ACTN4: variants seen among roughly 807,000 people sequenced by gnomAD.
ACTN4 encodes alpha-actinin-4.
Under a neutral mutation model 114.2 loss-of-function variants are expected in ACTN4, and 18 were observed. The observed-to-expected ratio is 0.16, with a 90% confidence interval of 0.11 to 0.23. The LOEUF is 0.23. Ranked by LOEUF, ACTN4 falls within the 10% of genes least tolerant of loss-of-function variation. ACTN4 has a pLI of 1.00. For synonymous variants in ACTN4, 515 were observed against 506.3 expected (o/e 1.02, Z -0.23); for missense variants, 722 against 1,262.9 (o/e 0.57, Z 6.49).
At position 38,701,069 on chromosome 19, in the gene ACTN4, G is replaced by T. The variant is rs561245944; in HGVS notation, c.345G>T (p.Ala115=). The T allele has an allele frequency of 9.3e-6, 15 of 1,614,086 alleles. No individual in the cohort carries two copies. The East Asian group carries it at 1.3e-4, about 14-fold the overall frequency. ...RVHKINNVNK[A]LDFIASKGVK... is the part of the protein sequence containing the mutation. Reference sequence around the variant, plus strand: ...ACAAAATCAACAATGTGAACAAAGCGCTGGACTTTATTGCCAGCAAAGGCG... The same window carrying T: ...ACAAAATCAACAATGTGAACAAAGCTCTGGACTTTATTGCCAGCAAAGGCG... The change falls in exon 3 of 21, where the codon GCG becomes GCT. Residue 115 remains alanine, a synonymous_variant. Transcript: ENST00000252699.
intron 19 of ACTN4, chr19:38,728,266 TGCCTACTCTGGGCCCG>T: frequency 2.6e-6 from 4 of 1,532,798 alleles, no homozygotes; most frequent in Non-Finnish European, 3.5e-6. Context: ...CGGCCCCTCT[TGCCTACTCTGGGCCCG>T]GCCTCCTCTG....
chr19:38,647,656 C>T lies in ACTN4; in HGVS notation c.-90C>T, dbSNP rs1222199288. The T allele has an allele frequency of 2.5e-5, 36 of 1,463,566 alleles. No homozygotes were observed. In the Admixed American group the frequency reaches 3.1e-4, roughly 13 times the overall value. The allele number at this position is 1,463,566 out of a possible 1,614,324, so 90.7% of individuals were successfully genotyped here. A position where few individuals can be genotyped will look rare whatever the true frequency, so the allele number is the denominator to read the frequency against. The stretch of plus-strand genomic sequence containing the variant: ...GCGGGCGGAGGGCGGGCTGAAGCAG[C>T]TGAAGCGGCGGTAGCGGCGGCGGCT... On this transcript the variant is annotated 5_prime_UTR_variant, in exon 1 of 21. Coordinates refer to ENST00000252699, the MANE Select transcript of ACTN4 (RefSeq NM_004924.6).
At chr19:38,691,561 C>T (rs755314265) in intron 1 of ACTN4, among the ~76,000 whole-genome samples, 7 of 151,946 alleles carry the variant, frequency 4.6e-5, no homozygotes, top group Non-Finnish European at 8.8e-5. Flanking sequence ...AAGAGCTAGA[C>T]GAAAGTCTTA....
At chr19:38,661,301 C>G (rs567767956) in intron 1 of ACTN4, among the ~76,000 whole-genome samples, 2 of 152,328 alleles carry the variant, frequency 1.3e-5, no homozygotes, top group South Asian at 4.1e-4. Context: ...CCCAAGACGG[C>G]AGAACATGAA....
intron 1 of ACTN4, among the ~76,000 whole-genome samples, chr19:38,680,383 T>G (rs1967526734): frequency 6.6e-6 from 1 of 151,938 alleles, no homozygotes; most frequent in Non-Finnish European, 1.5e-5. Context: ...GTTTCACCAT[T>G]TGGCCAGGCT....
intron 1 of ACTN4, among the ~76,000 whole-genome samples, chr19:38,662,308 C>G (rs562528043): frequency 3.0e-4 from 46 of 152,200 alleles, no homozygotes; most frequent in Non-Finnish European, 6.0e-4. Context: ...ACACACAGCA[C>G]CCAGCAAGAA....
chr19:38,673,666 ATATATATT>A (rs1420785144), intron 1 of ACTN4, among the ~76,000 whole-genome samples: 2,806 of 28,358 alleles, frequency 0.099, 379 homozygotes, highest in African/African-American at 0.24. Flanking sequence ...TATATATATT[ATATATATT>A]TATATATTTA....
At position 38,717,645 on chromosome 19, in the gene ACTN4, G is replaced by A. The variant is rs761683206; in HGVS notation, c.1144-282G>A. Among the ~76,000 whole-genome samples, 10 of 152,184 alleles carry A rather than the reference G, an allele frequency of 6.6e-5. No homozygotes were observed. The highest frequency in any genetic ancestry group is 1.0e-4 in the Non-Finnish European group (7 of 68,030). On this transcript the variant is annotated intron_variant, in intron 10 of 20. Coordinates refer to ENST00000252699, the MANE Select transcript of ACTN4 (RefSeq NM_004924.6). The surrounding 1 kb of genome is among the most constrained non-coding windows in gnomAD (Gnocchi z 4.0). Reference sequence around the variant, plus strand: ...CATGTGCTTGAGGCCCTTCATCAGCGGAGGGGCAGTGCGCCCTGGACGGTA... The same window carrying A: ...CATGTGCTTGAGGCCCTTCATCAGCAGAGGGGCAGTGCGCCCTGGACGGTA...
intron 1 of ACTN4, among the ~76,000 whole-genome samples, chr19:38,652,803 T>C (rs111552567): frequency 1.3e-5 from 2 of 152,014 alleles, no homozygotes; most frequent in Non-Finnish European, 2.9e-5. Flanking sequence ...TGTGGTCTTA[T>C]GGCCGGGCGC....
rs748673375 is a variant in ACTN4 at position 38,647,808 on chromosome 19, C to T, written c.63C>T (p.Gly21=). Residue 21 remains glycine (G), a synonymous_variant, in exon 1 of 21, where the codon GGC becomes GGT. Transcript: ENST00000252699. ...ACGGCCCCAGCAGCGCGGGCAATGG[C>T]GCTGGCGGCGGGGGCAGCATGGGCG... is the stretch of plus-strand genomic sequence containing the variant. ...YQYGPSSAGN[G]AGGGGSMGDY... 29 of 1,552,844 alleles carry T rather than the reference C, an allele frequency of 1.9e-5. No homozygotes were observed. In the African/African-American group the frequency reaches 2.1e-4, roughly 11 times the overall value.
At position 38,730,559 on chromosome 19, in the gene ACTN4, C is replaced by G; in HGVS notation, c.*1127C>G. 1 of 492,784 alleles carries G rather than the reference C, an allele frequency of 2.0e-6. No individual in the cohort carries two copies. The highest frequency in any genetic ancestry group is 3.2e-5 in the South Asian group (1 of 31,240). The allele number at this position is 492,784 out of a possible 1,614,324, so 30.5% of individuals were successfully genotyped here. On this transcript the variant is annotated 3_prime_UTR_variant, in exon 21 of 21. Coordinates refer to ENST00000252699, the MANE Select transcript of ACTN4 (RefSeq NM_004924.6). Reference sequence around the variant, plus strand: ...CCTGCAGCATCATCTTTTTTTATTTCTCCTGTGTCTGTCCTCCACCTTCTA... The same window carrying G: ...CCTGCAGCATCATCTTTTTTTATTTGTCCTGTGTCTGTCCTCCACCTTCTA...
intron 6 of ACTN4, among the ~76,000 whole-genome samples, chr19:38,709,008 G>T (rs189773973): frequency 6.6e-6 from 1 of 152,252 alleles, no homozygotes; most frequent in East Asian, 1.9e-4. Context: ...GGGACCTCTC[G>T]GTTTGCTCCC....
intron 1 of ACTN4, among the ~76,000 whole-genome samples, chr19:38,671,078 CCT>C (rs1430103687): frequency 6.6e-6 from 1 of 152,118 alleles, no homozygotes; most frequent in Admixed American, 6.6e-5. Context: ...GCTGCTTAAT[CCT>C]CTCACTAGGA....
chr19:38,686,244 C>T (rs958923028), intron 1 of ACTN4, among the ~76,000 whole-genome samples: 1 of 152,182 alleles, frequency 6.6e-6, no homozygotes, highest in Non-Finnish European at 1.5e-5. Context: ...CAGACTAAAA[C>T]GTTAATTCTA....
At position 38,724,282 on chromosome 19, in the gene ACTN4, G is replaced by A. The variant is rs558865780; in HGVS notation, c.1818G>A (p.Ser606=). The A allele has an allele frequency of 5.6e-6, 9 of 1,613,892 alleles. No individual in the cohort carries two copies. The highest frequency in any genetic ancestry group is 1.3e-5 in the African/African-American group (1 of 75,034). The change falls in exon 15 of 21, where the codon TCG becomes TCA. Residue 606 remains serine (S), a synonymous_variant. Coordinates refer to ENST00000252699, the MANE Select transcript of ACTN4 (RefSeq NM_004924.6). The surrounding 1 kb of genome is among the most constrained non-coding windows in gnomAD (Gnocchi z 7.0). ...RIAESNHIKL[S]GSNPYTTVTP... ...CTGAGAGCAACCACATCAAGCTGTC[G>A]GGCAGCAACCCCTACACCACCGTCA... is the stretch of plus-strand genomic sequence containing the variant.
intron 11 of ACTN4, 200 bp downstream of exon 11, chr19:38,718,274 C>G (rs1170820590): frequency 2.1e-6 from 2 of 954,682 alleles, no homozygotes; most frequent in Non-Finnish European, 1.6e-6. Context: ...CACCTGTAAT[C>G]CCAGCACTTT....
intron 1 of ACTN4, among the ~76,000 whole-genome samples, chr19:38,651,337 T>C (rs1008941651): frequency 1.3e-5 from 2 of 151,992 alleles, no homozygotes; most frequent in African/African-American, 4.8e-5. Context: ...TATGCAACGG[T>C]TTTTACATGA....
rs1179030742 is a variant in ACTN4 at position 38,647,699 on chromosome 19, G to A, written c.-47G>A. On this transcript the variant is annotated 5_prime_UTR_variant, in exon 1 of 21. Coordinates refer to ENST00000252699, the MANE Select transcript of ACTN4 (RefSeq NM_004924.6). ...CGGCGGCTCGGGCAGAGGGGCGGGAGCTGAGGCGGGAGCGGACAGGCTGGT... is the reference window on the plus strand; with the variant it reads ...CGGCGGCTCGGGCAGAGGGGCGGGAACTGAGGCGGGAGCGGACAGGCTGGT... 6.6e-7 allele frequency: 1 copy of A among 1,518,512 alleles called. No homozygotes were observed. The highest frequency in any genetic ancestry group is 8.8e-7 in the Non-Finnish European group (1 of 1,134,138). 94.1% of individuals were successfully genotyped at this position (1,518,512 alleles called of 1,614,324 possible). A position where few individuals can be genotyped will look rare whatever the true frequency, so the allele number is the denominator to read the frequency against.
intron 1 of ACTN4, among the ~76,000 whole-genome samples, chr19:38,670,041 T>G (rs1361754642): frequency 6.6e-6 from 1 of 152,188 alleles, no homozygotes; most frequent in Non-Finnish European, 1.5e-5. Flanking sequence ...AGGGGGTCGT[T>G]CCTCAGGGGT....
Sources: allele counts gnomAD v4.1 joint callset (sites outside exome capture counted in the v4.1 genomes callset), GRCh38; gene constraint gnomAD v4.1.1; non-coding constraint Gnocchi (gnomAD v3.1); transcripts MANE v1.5; gene names NCBI Gene and HGNC (gene_info 2026-07-23, HGNC 2026-07-21).